Variants in EFL1 observed in about 807,000 individuals in gnomAD.
The protein encoded by EFL1 is elongation factor-like GTPase 1.
EFL1 carries 76 observed loss-of-function variants against 126.7 expected under a neutral mutation model. The observed-to-expected ratio is 0.60, with a 90% CI of 0.50 to 0.73. EFL1 has a LOEUF of 0.73. EFL1 is among the 30% of genes least tolerant of loss of function. The pLI is 0.00. For synonymous variants in EFL1, 410 were observed against 448.4 expected, an observed-to-expected ratio of 0.91 and a Z score of 1.08; for missense variants, 1,128 against 1,343.2, an observed-to-expected ratio of 0.84 and a Z score of 2.50.
intron 18 of EFL1, among the ~76,000 whole-genome samples, chr15:82,145,787 G>C (rs1245696457): frequency 6.7e-6 from 1 of 149,344 alleles, no homozygotes; most frequent in African/African-American, 2.5e-5. Context: ...AGTGAGCCAA[G>C]ATCGTGCCAT....
Position 82,247,035 on chromosome 15 carries a change from G to A in EFL1, c.245-5632C>T, listed in dbSNP as rs534387859. Among the ~76,000 whole-genome samples, 9 of 152,244 alleles carry A rather than the reference G, an allele frequency of 5.9e-5. No homozygotes were observed. In the East Asian group the frequency reaches 1.7e-3, roughly 29 times the overall value. On this transcript the variant is annotated intron_variant, in intron 4 of 19. Transcript: ENST00000268206. Reference sequence around the variant, plus strand: ...ATATGACAGAAGGTCAAGAACCAAAGAGACTGAAGACGCTGGCAAGACTGT... The same window carrying A: ...ATATGACAGAAGGTCAAGAACCAAAAAGACTGAAGACGCTGGCAAGACTGT...
chr15:82,136,601 CATCAGTA>C (rs2073724763), intron 19 of EFL1, among the ~76,000 whole-genome samples: 1 of 152,116 alleles, frequency 6.6e-6, no homozygotes, highest in Non-Finnish European at 1.5e-5. Context: ...TCATTAGAAC[CATCAGTA>C]ATACATTTGC....
intron 15 of EFL1, among the ~76,000 whole-genome samples, chr15:82,190,986 A>AT (rs1490693900): frequency 2.0e-5 from 3 of 151,024 alleles, no homozygotes; most frequent in African/African-American, 7.3e-5. Flanking sequence ...ACTTTCCTTG[A>AT]TTTTTGTTTT....
chr15:82,196,096 C>T (rs577805415), intron 15 of EFL1, among the ~76,000 whole-genome samples: 3 of 152,188 alleles, frequency 2.0e-5, no homozygotes, highest in Non-Finnish European at 4.4e-5. Context: ...GTGGTATATT[C>T]AGGAGTGCTG....
intron 15 of EFL1, among the ~76,000 whole-genome samples, chr15:82,182,336 A>G (rs1454414438): frequency 6.6e-6 from 1 of 152,224 alleles, no homozygotes; most frequent in Admixed American, 6.5e-5. Flanking sequence ...AAAGGTCTTC[A>G]GTTTGTGATT....
At chr15:82,180,983 C>T (rs887942817) in intron 15 of EFL1, among the ~76,000 whole-genome samples, 1 of 152,126 alleles carries the variant, frequency 6.6e-6, no homozygotes, top group Admixed American at 6.5e-5. Context: ...CTGCCTCGGC[C>T]TCCTGAAGTG....
At chr15:82,253,166 A>T (rs1432088004) in intron 3 of EFL1, among the ~76,000 whole-genome samples, 1 of 152,002 alleles carries the variant, frequency 6.6e-6, no homozygotes, top group South Asian at 2.1e-4. Context: ...AGGCCTCCCA[A>T]ACAGCTGAGA....
At chr15:82,211,118 C>T (rs2074579575) in intron 15 of EFL1, among the ~76,000 whole-genome samples, 1 of 151,670 alleles carries the variant, frequency 6.6e-6, no homozygotes, top group Admixed American at 6.6e-5. Flanking sequence ...AAAATGTTGA[C>T]ATTCCTGGTC....
At chr15:82,169,127 T>C (rs1014061401) in intron 15 of EFL1, among the ~76,000 whole-genome samples, 1 of 152,008 alleles carries the variant, frequency 6.6e-6, no homozygotes, top group Non-Finnish European at 1.5e-5. Context: ...CGGTTCTCAG[T>C]GTGGGGGTCT....
intron 18 of EFL1, among the ~76,000 whole-genome samples, chr15:82,143,754 C>T (rs776173252): frequency 6.6e-6 from 1 of 152,154 alleles, no homozygotes; most frequent in Middle Eastern, 3.2e-3. Context: ...GCACCTCTTA[C>T]TATTATAATC....
intron 16 of EFL1, among the ~76,000 whole-genome samples, chr15:82,162,788 C>G (rs530496162): frequency 1.3e-5 from 2 of 152,330 alleles, no homozygotes; most frequent in South Asian, 2.1e-4. Flanking sequence ...GAACTTGAGA[C>G]AGCAATGAGT....
intron 15 of EFL1, among the ~76,000 whole-genome samples, chr15:82,211,549 T>C (rs55634618): frequency 0.22 from 20,400 of 91,776 alleles, 3,209 homozygotes; most frequent in African/African-American, 0.32. Flanking sequence ...AAAATCTATA[T>C]ACACACACAC....
intron 18 of EFL1, among the ~76,000 whole-genome samples, chr15:82,140,934 G>C (rs1310678165): frequency 1.3e-5 from 2 of 152,134 alleles, no homozygotes; most frequent in Non-Finnish European, 2.9e-5. Context: ...TTGGATAACT[G>C]TAACAGCTGA....
At chr15:82,195,528 C>T (rs2074399844) in intron 15 of EFL1, among the ~76,000 whole-genome samples, 1 of 152,214 alleles carries the variant, frequency 6.6e-6, no homozygotes, top group Non-Finnish European at 1.5e-5. Flanking sequence ...CTGGTGGCCA[C>T]ATCCTAGAAA....
chr15:82,167,524 G>A (rs1457434950), intron 15 of EFL1, among the ~76,000 whole-genome samples: 1 of 152,058 alleles, frequency 6.6e-6, no homozygotes, highest in Non-Finnish European at 1.5e-5. Context: ...TATCTTTTAT[G>A]ATATGAGACT....
At chr15:82,188,345 T>C (rs2074323175) in intron 15 of EFL1, among the ~76,000 whole-genome samples, 1 of 152,108 alleles carries the variant, frequency 6.6e-6, no homozygotes, top group African/African-American at 2.4e-5. Context: ...CTACTTCCAT[T>C]TTCTTATCTT....
chr15:82,164,663 C>T lies in EFL1; in HGVS notation c.1751-679G>A, dbSNP rs138463077. Among the ~76,000 whole-genome samples, 750 of 152,136 alleles carry T rather than the reference C, an allele frequency of 4.9e-3. 11 individuals are homozygous for T. The highest frequency in any genetic ancestry group is 0.017 in the African/African-American group (722 of 41,514). On this transcript the variant is annotated intron_variant, in intron 15 of 19. Transcript: ENST00000268206. ...CTGCAATCTCAGCACTTTGGGAGGC[C>T]GAGGCCGGCGGATCACAAGGTCAGG...
intron 19 of EFL1, among the ~76,000 whole-genome samples, chr15:82,132,552 C>T (rs1041368919): frequency 3.3e-5 from 5 of 151,344 alleles, no homozygotes; most frequent in African/African-American, 7.3e-5. Context: ...AGCCAGGGGG[C>T]ACAGAGGCAT....
rs1426558740 is a variant in EFL1, at chr15:82,231,033, A to C, written c.732-62T>G. The stretch of plus-strand genomic sequence containing the variant: ...ACGATTATTGATTTCTGTGACAGGT[A>C]CTGTTCAAACTTCTTTACACGTGTA... On this transcript the variant is annotated intron_variant, in intron 7 of 19. Coordinates refer to ENST00000268206, the MANE Select transcript of EFL1 (RefSeq NM_024580.6). 9 of 1,552,294 alleles carry C rather than the reference A, an allele frequency of 5.8e-6. No homozygotes were observed. In the Admixed American group the frequency reaches 1.7e-4, roughly 30 times the overall value.
Sources: allele counts gnomAD v4.1 joint callset (sites outside exome capture counted in the v4.1 genomes callset), GRCh38; gene constraint gnomAD v4.1.1; transcripts MANE v1.5; gene names NCBI Gene and HGNC (gene_info 2026-07-23, HGNC 2026-07-21).